The following SNX2 variants were observed in gnomAD, a reference collection of about 807,000 sequenced individuals.
SNX2 encodes the protein sorting nexin 2, also known as sorting nexin-2.
In SNX2, 25 loss-of-function variants were observed where a neutral mutation model predicts 69.9. The observed-to-expected ratio is 0.36, with a 90% CI of 0.26 to 0.50. The LOEUF (loss-of-function observed/expected upper bound fraction) is 0.50, where lower values mean the gene tolerates loss of function less well. Ranked by LOEUF, SNX2 falls within the 20% of genes least tolerant of loss-of-function variation. The pLI, the probability that SNX2 is intolerant of heterozygous loss-of-function variation, is 0.97. For synonymous variants in SNX2, 229 were observed against 200.4 expected (o/e 1.14, Z -1.20); for missense variants, 551 against 613.3 (o/e 0.90, Z 1.07).
chr5:122,802,088 C>T lies in SNX2; in HGVS notation c.465C>T (p.Gly155=). The change falls in exon 5 of 15, where the codon GGC becomes GGT. Residue 155 remains glycine (G), a synonymous_variant. Transcript: ENST00000379516. ...GTTTGACTTTTTTTGCAGGTGATGG[C>T]ATGAATGCCTATATGGCATATAGAG... ...GVSDPEKVGD[G]MNAYMAYRVT... The T allele has an allele frequency of 6.2e-7, 1 of 1,613,340 alleles. No homozygotes were observed. Among genetic ancestry groups the T allele is most frequent in the Non-Finnish European group, 8.5e-7 (1 of 1,179,512 alleles).
chr5:122,808,816 T>C (rs1753707532), intron 7 of SNX2: 1 of 155,666 alleles, frequency 6.4e-6, no homozygotes, highest in African/African-American at 2.4e-5. Flanking sequence ...ACCACACTCA[T>C]GTACTGTGTT....
intron 1 of SNX2, among the ~76,000 whole-genome samples, chr5:122,781,632 CTAAGAA>C (rs1197641836): frequency 6.6e-6 from 1 of 152,056 alleles, no homozygotes; most frequent in Non-Finnish European, 1.5e-5. Context: ...TCAATAATGA[CTAAGAA>C]TGACAGTTTT....
intron 6 of SNX2, among the ~76,000 whole-genome samples, chr5:122,805,948 T>C (rs1051130946): frequency 6.6e-6 from 1 of 151,888 alleles, no homozygotes; most frequent in South Asian, 2.1e-4. Context: ...GCACAGCTAA[T>C]GTTTTGTATT....
At chr5:122,827,549 G>A (rs201008553) in intron 13 of SNX2, 26 bp from the exon 14 acceptor site, 274 of 1,608,054 alleles carry the variant, frequency 1.7e-4, no homozygotes, top group Non-Finnish European at 2.1e-4. Flanking sequence ...TTCTACTAAC[G>A]GACTTTTTAA....
chr5:122,811,699 C>T (rs1753780531), intron 7 of SNX2, among the ~76,000 whole-genome samples: 1 of 151,894 alleles, frequency 6.6e-6, no homozygotes, highest in Admixed American at 6.6e-5. Context: ...GGTGTGGTGG[C>T]GCGTGCCTGT....
chr5:122,791,192 T>C (rs1441024762), intron 1 of SNX2, among the ~76,000 whole-genome samples: 1 of 151,536 alleles, frequency 6.6e-6, no homozygotes, highest in African/African-American at 2.4e-5. Context: ...GGCATGATCT[T>C]GGCTCACCAC....
At chr5:122,789,250 T>G (rs1753157340) in intron 1 of SNX2, among the ~76,000 whole-genome samples, 1 of 152,146 alleles carries the variant, frequency 6.6e-6, no homozygotes, top group Non-Finnish European at 1.5e-5. Context: ...GACCTAAGTA[T>G]CAATTGAGTT....
chr5:122,777,038 A>AT (rs891843894), intron 1 of SNX2, among the ~76,000 whole-genome samples: 120 of 150,162 alleles, frequency 8.0e-4, no homozygotes, highest in African/African-American at 2.1e-3. Flanking sequence ...GTAAAGTCAG[A>AT]TTTTTTTTTT....
At chr5:122,827,537 C>G in intron 13 of SNX2, 38 bp from the exon 14 acceptor site, 1 of 1,603,768 alleles carries the variant, frequency 6.2e-7, no homozygotes, top group Non-Finnish European at 8.5e-7. Flanking sequence ...TTGAATTTAG[C>G]TTTCTACTAA....
At chr5:122,788,201 T>C (rs1214541860) in intron 1 of SNX2, among the ~76,000 whole-genome samples, 4 of 152,256 alleles carry the variant, frequency 2.6e-5, no homozygotes, top group African/African-American at 7.2e-5. Flanking sequence ...CAGAGTGTTA[T>C]TCCACTGTTT....
chr5:122,818,005 AAAT>A (rs1196607346), intron 10 of SNX2, among the ~76,000 whole-genome samples: 2 of 152,144 alleles, frequency 1.3e-5, no homozygotes, highest in Non-Finnish European at 2.9e-5. Flanking sequence ...TTTAATAAGC[AAAT>A]AATATGTAAC....
Position 122,775,202 on chromosome 5 carries a change from C to T in SNX2, c.99C>T (p.Ser33=), listed in dbSNP as rs1752828091. ...DGEDLFTSTV[S]TLESSPSSPE... is the part of the protein sequence containing the mutation. The stretch of plus-strand genomic sequence containing the variant: ...AGGACCTGTTCACCAGCACTGTCTC[C>T]ACCCTAGAGGTGAGACCGCGTCGCT... Residue 33 remains serine, a synonymous_variant, in exon 1 of 15, where the codon TCC becomes TCT. Coordinates refer to ENST00000379516, the MANE Select transcript of SNX2 (RefSeq NM_003100.4). 6.3e-7 allele frequency: 1 copy of T among 1,577,166 alleles called. No homozygotes were observed.
intron 10 of SNX2, among the ~76,000 whole-genome samples, chr5:122,818,378 T>A (rs978282176): frequency 1.3e-5 from 2 of 152,222 alleles, no homozygotes; most frequent in Admixed American, 6.5e-5. Flanking sequence ...TCCTGTTAGC[T>A]AAATAATATT....
intron 10 of SNX2, 139 bp downstream of exon 10, chr5:122,817,512 A>C: frequency 3.5e-6 from 2 of 576,624 alleles, no homozygotes; most frequent in Admixed American, 3.8e-5. Context: ...TTCTAGTTCA[A>C]CTTTATTATG....
At position 122,825,308 on chromosome 5, in the gene SNX2, A is replaced by T. The variant is rs553910663; in HGVS notation, c.1213-742A>T. Among the ~76,000 whole-genome samples the T allele has an allele frequency of 3.3e-5, 5 of 151,890 alleles. No individual in the cohort carries two copies. The South Asian group carries it at 1.0e-3, about 32-fold the overall frequency. ...AGTGGGTTCTCCCATCCTATCCATC[A>T]TTTTTTTCATGAGACTTCTAATTAC... On this transcript the variant is annotated intron_variant, in intron 11 of 14. Coordinates refer to ENST00000379516, the MANE Select transcript of SNX2 (RefSeq NM_003100.4).
chr5:122,782,367 T>C (rs1309515619), intron 1 of SNX2, among the ~76,000 whole-genome samples: 1 of 151,930 alleles, frequency 6.6e-6, no homozygotes, highest in Non-Finnish European at 1.5e-5. Context: ...GCCTCCTGAA[T>C]AGCTGGGATT....
At chr5:122,774,999 C>A, upstream of SNX2, 1 of 1,162,574 alleles carries the variant, frequency 8.6e-7, no homozygotes, top group Non-Finnish European at 1.1e-6. Context: ...CCTTGAGAGG[C>A]CGGCCGGGGG....
intron 1 of SNX2, among the ~76,000 whole-genome samples, chr5:122,782,982 G>A (rs1457097744): frequency 6.7e-6 from 1 of 148,808 alleles, no homozygotes; most frequent in Non-Finnish European, 1.5e-5. Flanking sequence ...CTGTCACTAG[G>A]TTGGAGTGCA....
Position 122,815,937 on chromosome 5 carries a change from A to T in SNX2, c.764A>T (p.Asp255Val). 1 of 1,602,748 alleles carries T rather than the reference A, an allele frequency of 6.2e-7. No individual in the cohort carries two copies. Among genetic ancestry groups the T allele is most frequent in the Non-Finnish European group, 8.5e-7 (1 of 1,173,746 alleles). The change falls in exon 8 of 15, where the codon GAT (aspartate) becomes GTT (valine). Residue 255 changes from aspartate (D) to valine (V), a missense_variant. Physicochemically the swap from Asp to Val is radical, Grantham distance 152. This residue lies in a region of SNX2 where 360 missense variants were observed against 450.4 expected (regional missense o/e 0.80). Coordinates refer to ENST00000379516, the MANE Select transcript of SNX2 (RefSeq NM_003100.4). ...GTAAAACATCCAACTTTACTACAGGATCCTGATTTAAGGCAGTTCTTGGAA... is the reference window on the plus strand; with the variant it reads ...GTAAAACATCCAACTTTACTACAGGTTCCTGATTTAAGGCAGTTCTTGGAA... ...RTVKHPTLLQ[D>V]PDLRQFLESS...
Sources: gnomAD v4.1 joint callset for allele counts (sites outside exome capture counted in the v4.1 genomes callset) on GRCh38, gnomAD v4.1.1 for gene constraint, gnomAD v4.1.1 regional missense constraint, MANE v1.5 for transcripts, NCBI Gene and HGNC (gene_info 2026-07-23, HGNC 2026-07-21) for gene names.